Variants in SLC23A1 observed in about 807,000 individuals in gnomAD.
SLC23A1 encodes the protein Na(+)/L-ascorbic acid transporter 1.
SLC23A1 carries 31 observed loss-of-function variants against 62.5 expected under a neutral mutation model. The observed-to-expected ratio is 0.50, with a 90% confidence interval of 0.37 to 0.67. The LOEUF is 0.67. Among genes scored for constraint, SLC23A1 ranks in the 30% least tolerant of loss-of-function variants. SLC23A1 has a pLI of 0.00. For missense variants in SLC23A1, 640 were observed against 782.7 expected (o/e 0.82, Z 2.18); for synonymous variants, 271 against 313.2 (o/e 0.87, Z 1.42).
At chr5:139,368,881 T>C (rs758728623) in intron 14 of SLC23A1, 2 of 1,044,896 alleles carry the variant, frequency 1.9e-6, no homozygotes, top group South Asian at 2.7e-5. Context: ...GTAAAAGCTC[T>C]CTTGTCACTG....
chr5:139,377,392 C>T lies in SLC23A1; in HGVS notation c.1549+10G>A, dbSNP rs554316484. 17 of 1,511,144 alleles carry T rather than the reference C, an allele frequency of 1.1e-5. No homozygotes were observed. Among genetic ancestry groups the T allele is most frequent in the South Asian group, 5.6e-5 (5 of 89,002 alleles). The allele number at this position is 1,511,144 out of a possible 1,614,324, so 93.6% of individuals were successfully genotyped here. A position where few individuals can be genotyped will look rare whatever the true frequency, so the allele number is the denominator to read the frequency against. On this transcript the variant is annotated intron_variant, in intron 13 of 14. Transcript: ENST00000348729. Reference sequence around the variant, plus strand: ...TAGTTCTTCATTCCCCTCCCAGGACCGAACCATACCTGGCACTGTGTTGTC... The same window carrying T: ...TAGTTCTTCATTCCCCTCCCAGGACTGAACCATACCTGGCACTGTGTTGTC...
Position 139,379,200 on chromosome 5 carries a change from A to G in SLC23A1, c.1073+7T>C, listed in dbSNP as rs1295751418. 7 of 1,614,014 alleles carry G rather than the reference A, an allele frequency of 4.3e-6. No individual in the cohort carries two copies. The highest frequency in any genetic ancestry group is 5.9e-6 in the Non-Finnish European group (7 of 1,179,904). The stretch of plus-strand genomic sequence containing the variant: ...AGATCAGATACTGAGGAGGGCAGGT[A>G]GGCTACCTGTTGATAGCATGTACTG... On this transcript the variant is annotated splice_region_variant and intron_variant, in intron 9 of 14. Coordinates refer to ENST00000348729, the MANE Select transcript of SLC23A1 (RefSeq NM_005847.5). The surrounding 1 kb of genome is among the most constrained non-coding windows in gnomAD (Gnocchi z 4.7).
chr5:139,379,907 C>T lies in SLC23A1; in HGVS notation c.768+49G>A. On this transcript the variant is annotated intron_variant, in intron 7 of 14. Coordinates refer to ENST00000348729, the MANE Select transcript of SLC23A1 (RefSeq NM_005847.5). The surrounding 1 kb of genome is among the most constrained non-coding windows in gnomAD (Gnocchi z 4.7). ...CCAGGCTAACCTGCTCCCACCTCAGCCCAAGCCCTGGCCATAGTCCCAGCC... is the reference window on the plus strand; with the variant it reads ...CCAGGCTAACCTGCTCCCACCTCAGTCCAAGCCCTGGCCATAGTCCCAGCC... 3.7e-6 allele frequency: 6 copies of T among 1,614,050 alleles called. No homozygotes were observed. The highest frequency in any genetic ancestry group is 5.1e-6 in the Non-Finnish European group (6 of 1,179,936).
Position 139,381,911 on chromosome 5 carries a change from G to A in SLC23A1, c.289C>T (p.Gln97Ter), listed in dbSNP as rs1471014832. 1 of 1,566,198 alleles carries A rather than the reference G, an allele frequency of 6.4e-7. No homozygotes were observed. The highest frequency in any genetic ancestry group is 8.6e-7 in the Non-Finnish European group (1 of 1,156,610). The change falls in exon 3 of 15, where the codon CAG becomes TAG. Residue 97 changes from glutamine (Q) to a stop codon, truncating the protein, a stop_gained. Coordinates refer to ENST00000348729, the MANE Select transcript of SLC23A1 (RefSeq NM_005847.5). LOFTEE classifies it high-confidence loss of function. ...GCTCACCGGATGCCCACGGTGGTCT[G>A]GATGAGAGTGGTGATGCCCACGCAC... Reference protein sequence around the residue: ...FTCVGITTLIQTTVGIRLPLF... With the variant: ...FTCVGITTLI
At chr5:139,369,141 A>G (rs1459240458) in intron 14 of SLC23A1, 2 of 174,722 alleles carry the variant, frequency 1.1e-5, no homozygotes, top group African/African-American at 4.7e-5. Flanking sequence ...AAACTTTAAA[A>G]TCAGTACATT....
chr5:139,375,315 A>T (rs925524521), intron 13 of SLC23A1, among the ~76,000 whole-genome samples: 4 of 152,238 alleles, frequency 2.6e-5, no homozygotes, highest in Non-Finnish European at 5.9e-5. Context: ...CAGAGGCAGT[A>T]TGGTGCAGTG....
At chr5:139,368,736 A>G in intron 14 of SLC23A1, 1 of 1,612,376 alleles carries the variant, frequency 6.2e-7, no homozygotes, top group Non-Finnish European at 8.5e-7. Flanking sequence ...TTTCCAGGTC[A>G]AGAGCAATCT....
rs1758219535 is a variant in SLC23A1 at position 139,380,891 on chromosome 5, A to AG, written c.309-6dup. 1 of 1,010,918 alleles carries AG rather than the reference A, an allele frequency of 9.9e-7. No individual in the cohort carries two copies. Among genetic ancestry groups the AG allele is most frequent in the African/African-American group, 2.1e-5 (1 of 48,254 alleles). 62.6% of individuals were successfully genotyped at this position (1,010,918 alleles called of 1,614,324 possible). On this transcript the variant is annotated splice_region_variant and splice_polypyrimidine_tract_variant and intron_variant, in intron 3 of 14. Coordinates refer to ENST00000348729, the MANE Select transcript of SLC23A1 (RefSeq NM_005847.5). The stretch of plus-strand genomic sequence containing the variant: ...CTGGCCTGGAACAGCGGCAGCCTGG[A>AG]GGAGAGGCACAAAGCAACAGGGGTG...
Position 139,379,374 on chromosome 5 carries a change from G to A in SLC23A1, c.926-20C>T, listed in dbSNP as rs576828926. On this transcript the variant is annotated intron_variant, in intron 8 of 14. Transcript: ENST00000348729. This position sits in a 1 kb window ranked among gnomAD's most constrained non-coding sequence, Gnocchi z 4.7. ...ACTGACCTGTGCTCGGAGGGAGACA[G>A]GATGGTGGCTACAGTGAGGAGACTG... is the stretch of plus-strand genomic sequence containing the variant. The A allele has an allele frequency of 1.9e-6, 3 of 1,613,120 alleles. No homozygotes were observed. Among genetic ancestry groups the A allele is most frequent in the Admixed American group, 1.7e-5 (1 of 60,000 alleles).
In SLC23A1 at chr5:139,379,642, A is replaced by G. The variant is rs777579421; in HGVS notation, c.925+36T>C. ...AGGAGTCTGTCTCATAGGTGGTCTC[A>G]GTTGGGGGCAGAGGGGCCCAAGGGG... On this transcript the variant is annotated intron_variant, in intron 8 of 14. Coordinates refer to ENST00000348729, the MANE Select transcript of SLC23A1 (RefSeq NM_005847.5). This position sits in a 1 kb window ranked among gnomAD's most constrained non-coding sequence, Gnocchi z 4.7. 6.4e-7 allele frequency: 1 copy of G among 1,573,652 alleles called. No individual in the cohort carries two copies. Among genetic ancestry groups the G allele is most frequent in the Non-Finnish European group, 8.7e-7 (1 of 1,154,346 alleles).
chr5:139,382,288 CCCCA>C, intron 2 of SLC23A1, 200 bp downstream of exon 2: 1 of 600,964 alleles, frequency 1.7e-6, no homozygotes, highest in East Asian at 2.8e-5. Context: ...GTCACCAACA[CCCCA>C]CCTGGCAAGC....
rs1187426180 is a variant in SLC23A1, at chr5:139,382,541, T to C, written c.101A>G (p.Lys34Arg). Residue 34 changes from lysine (K) to arginine (R), a missense_variant, in exon 2 of 15, where the codon AAG (lysine) becomes AGG (arginine). By Grantham distance (26) the Lys-to-Arg change is conservative. Transcript: ENST00000348729. ...GTACCAAGGTGGCACGTCCTCGATCTTGTACAACATGTCAAACTTAGGCTC... is the reference window on the plus strand; with the variant it reads ...GTACCAAGGTGGCACGTCCTCGATCCTGTACAACATGTCAAACTTAGGCTC... ...PTEPKFDMLY[K>R]IEDVPPWYLC... 2 of 1,613,382 alleles carry C rather than the reference T, an allele frequency of 1.2e-6. No individual in the cohort carries two copies. Among genetic ancestry groups the C allele is most frequent in the African/African-American group, 2.7e-5 (2 of 74,872 alleles).
In SLC23A1 at chr5:139,383,254, C is replaced by G. The variant is rs1466217463; in HGVS notation, c.-1G>C. The G allele has an allele frequency of 1.9e-6, 3 of 1,593,512 alleles. No homozygotes were observed. Among genetic ancestry groups the G allele is most frequent in the Middle Eastern group, 1.8e-4 (1 of 5,552 alleles). Reference sequence around the variant, plus strand: ...CCTCGAGGTCCTCCTGGGCCCTCATCTTTGGGGCACAGGTTTGAGCAGTTC... The same window carrying G: ...CCTCGAGGTCCTCCTGGGCCCTCATGTTTGGGGCACAGGTTTGAGCAGTTC... On this transcript the variant is annotated 5_prime_UTR_variant, in exon 1 of 15. Transcript: ENST00000348729.
chr5:139,379,220 G>A lies in SLC23A1; in HGVS notation c.1060C>T (p.His354Tyr), dbSNP rs1561978132. ...CAGGTAGGCTACCTGTTGATAGCAT[G>A]TACTGGAGGGGGTGGTGCACCAGCC... Reference protein sequence around the residue: ...RLAGAPPPPVHAINRGIFTEG... With the variant: ...RLAGAPPPPVYAINRGIFTEG... Residue 354 changes from histidine (H) to tyrosine (Y), a missense_variant, in exon 9 of 15, where the codon CAT becomes TAT. By Grantham distance (83) the His-to-Tyr change is moderately conservative (BLOSUM62 2). Coordinates refer to ENST00000348729, the MANE Select transcript of SLC23A1 (RefSeq NM_005847.5). This position sits in a 1 kb window ranked among gnomAD's most constrained non-coding sequence, Gnocchi z 4.7. 6.2e-7 allele frequency: 1 copy of A among 1,614,096 alleles called. No homozygotes were observed. Among genetic ancestry groups the A allele is most frequent in the African/African-American group, 1.3e-5 (1 of 74,944 alleles).
chr5:139,379,979 T>C lies in SLC23A1; in HGVS notation c.745A>G (p.Ile249Val), dbSNP rs756842191. 29 of 1,613,994 alleles carry C rather than the reference T, an allele frequency of 1.8e-5. No individual in the cohort carries two copies. The Middle Eastern group carries it at 4.9e-4, about 28-fold the overall frequency. Reference protein sequence around the residue: ...RWGKGLTLLRIQIFKMFPIML... With the variant: ...RWGKGLTLLRVQIFKMFPIML... ...ACAGGAAACATTTTGAAGATCTGGA[T>C]GCGGAGGAGAGTGAGGCCCTTGCCC... The change falls in exon 7 of 15, where the codon ATC becomes GTC. Residue 249 changes from isoleucine to valine, a missense_variant. Transcript: ENST00000348729. The surrounding 1 kb of genome is among the most constrained non-coding windows in gnomAD (Gnocchi z 4.7).
Position 139,380,360 on chromosome 5 carries a change from C to T in SLC23A1, c.495G>A (p.Val165=), listed in dbSNP as rs200337578. 110 of 1,612,796 alleles carry T rather than the reference C, an allele frequency of 6.8e-5. No individual in the cohort carries two copies. The highest frequency in any genetic ancestry group is 8.8e-5 in the Non-Finnish European group (104 of 1,179,584). The change falls in exon 6 of 15, where the codon GTG becomes GTA. Residue 165 remains valine, a synonymous_variant. Transcript: ENST00000348729. The stretch of plus-strand genomic sequence containing the variant: ...CCAGCAGGCCAATCACCACCTCCAC[C>T]ACGCTGGACACCATGATTGCACCCT... The part of the protein sequence containing the change: ...EVQGAIMVSS[V]VEVVIGLLGL...
intron 12 of SLC23A1, 84 bp downstream of exon 12, chr5:139,377,891 C>T: frequency 1.5e-6 from 2 of 1,365,028 alleles, no homozygotes; most frequent in Non-Finnish European, 2.0e-6. Flanking sequence ...GTGGCTGTAG[C>T]TGTGTGGAGC....
At chr5:139,375,953 G>A (rs557377011) in intron 13 of SLC23A1, among the ~76,000 whole-genome samples, 2 of 152,018 alleles carry the variant, frequency 1.3e-5, no homozygotes, top group Non-Finnish European at 2.9e-5. Flanking sequence ...TGGCAATAAA[G>A]TAAGACCCCG....
At chr5:139,369,386 G>C (rs1369202310) in intron 14 of SLC23A1, 2 of 152,746 alleles carry the variant, frequency 1.3e-5, no homozygotes, top group Non-Finnish European at 2.9e-5. Context: ...GAGGAAGTAT[G>C]TAATTTGAGA....
Sources: allele counts gnomAD v4.1 joint callset (sites outside exome capture counted in the v4.1 genomes callset), GRCh38; gene constraint gnomAD v4.1.1; non-coding constraint Gnocchi (gnomAD v3.1); transcripts MANE v1.5; gene names NCBI Gene and HGNC (gene_info 2026-07-23, HGNC 2026-07-21).